IPCEF1: variants seen among roughly 807,000 people sequenced by gnomAD.
IPCEF1 encodes interaction protein for cytohesin exchange factors 1, also known as interactor protein for cytohesin exchange factors 1.
A neutral mutation model predicts 50.9 loss-of-function variants in IPCEF1; 31 were observed. The ratio of observed to expected loss-of-function variants is 0.61; its 90% confidence interval spans 0.46 to 0.82. The LOEUF (loss-of-function observed/expected upper bound fraction) is 0.82. Ranked by LOEUF, IPCEF1 falls within the 40% of genes least tolerant of loss-of-function variation. IPCEF1 has a pLI of 0.00. For missense variants in IPCEF1, 458 were observed against 514.0 expected (o/e 0.89, Z 1.05); for synonymous variants, 181 against 192.0 (o/e 0.94, Z 0.47).
intron 10 of IPCEF1, among the ~76,000 whole-genome samples, chr6:154,197,689 A>C (rs559181187): frequency 1.9e-4 from 29 of 152,218 alleles, no homozygotes; most frequent in Non-Finnish European, 3.2e-4. Flanking sequence ...AGCCAGGAAC[A>C]AGGACTGTTG....
chr6:154,351,318 T>C (rs1445996956), intron 1 of IPCEF1, among the ~76,000 whole-genome samples: 1 of 152,222 alleles, frequency 6.6e-6, no homozygotes, highest in African/African-American at 2.4e-5. Context: ...TGACTGTGGT[T>C]GTGAACTACC....
chr6:154,248,458 A>T (rs1781238491), intron 3 of IPCEF1, among the ~76,000 whole-genome samples: 1 of 152,158 alleles, frequency 6.6e-6, no homozygotes, highest in African/African-American at 2.4e-5. Flanking sequence ...TAGAGAACTC[A>T]GGGGAAAAAA....
At chr6:154,335,590 C>A (rs952982419) in intron 1 of IPCEF1, among the ~76,000 whole-genome samples, 1 of 151,532 alleles carries the variant, frequency 6.6e-6, no homozygotes, top group African/African-American at 2.4e-5. Flanking sequence ...AATCCCAGCA[C>A]TTTGGGAGGC....
chr6:154,265,404 C>T (rs1781730007), intron 3 of IPCEF1, among the ~76,000 whole-genome samples: 1 of 152,054 alleles, frequency 6.6e-6, no homozygotes, highest in South Asian at 2.1e-4. Flanking sequence ...CCTCAGCCTC[C>T]TCAGTAACTG....
In IPCEF1 at chr6:154,305,800, T is replaced by G. The variant is rs1327342965; in HGVS notation, c.-61-16044A>C. On this transcript the variant is annotated intron_variant, in intron 1 of 11. Coordinates refer to ENST00000367220, the MANE Select transcript of IPCEF1 (RefSeq NM_001130700.2). ...GACTTGCTGAGGCTTCTGGCCTCCA[T>G]CTTTCTCCCATGCTGGATGCTTCCA... Among the ~76,000 whole-genome samples the G allele has an allele frequency of 2.6e-5, 4 of 152,196 alleles. No individual in the cohort carries two copies. In the East Asian group the frequency reaches 7.7e-4, roughly 29 times the overall value.
At chr6:154,210,717 G>C (rs1465535965) in intron 9 of IPCEF1, among the ~76,000 whole-genome samples, 1 of 152,170 alleles carries the variant, frequency 6.6e-6, no homozygotes, top group African/African-American at 2.4e-5. Flanking sequence ...AATATAGTAA[G>C]AAAGAATAAT....
rs953444690 is a variant in IPCEF1 at position 154,165,737 on chromosome 6, A to G, written c.1104+2183T>C. Among the ~76,000 whole-genome samples the G allele has an allele frequency of 3.3e-5, 5 of 152,360 alleles. No individual in the cohort carries two copies. The East Asian group carries it at 9.6e-4, about 29-fold the overall frequency. On this transcript the variant is annotated intron_variant, in intron 11 of 11. Transcript: ENST00000367220. ...TGACCCAATGACTTGCTTCTACTGA[A>G]TAGAATACTGCAAAAGTAATGTGAT...
chr6:154,321,130 T>C (rs1438716583), intron 1 of IPCEF1, among the ~76,000 whole-genome samples: 1 of 151,800 alleles, frequency 6.6e-6, no homozygotes, highest in Non-Finnish European at 1.5e-5. Context: ...GGGGTTTCTC[T>C]GTGTTGCCCA....
Position 154,318,990 on chromosome 6 carries a change from G to A in IPCEF1, c.-61-29234C>T, listed in dbSNP as rs529330379. On this transcript the variant is annotated intron_variant, in intron 1 of 11. Coordinates refer to ENST00000367220, the MANE Select transcript of IPCEF1 (RefSeq NM_001130700.2). ...TATGTGCTGACTTTAGAACCTAATT[G>A]AAGATAAGCTATGATTCCATAGTAA... is the stretch of plus-strand genomic sequence containing the variant. 1.3e-3 allele frequency among the ~76,000 whole-genome samples: 204 copies of A among 152,300 alleles called. 2 individuals carry two copies. Among genetic ancestry groups the A allele is most frequent in the Non-Finnish European group, 2.5e-3 (168 of 68,024 alleles).
At position 154,246,614 on chromosome 6, in the gene IPCEF1, G is replaced by A; in HGVS notation, c.223C>T (p.Leu75=). 1 of 1,613,672 alleles carries A rather than the reference G, an allele frequency of 6.2e-7. No homozygotes were observed. Among genetic ancestry groups the A allele is most frequent in the Non-Finnish European group, 8.5e-7 (1 of 1,179,760 alleles). Residue 75 remains leucine, a synonymous_variant, in exon 5 of 12, where the codon CTG becomes TTG. Coordinates refer to ENST00000367220, the MANE Select transcript of IPCEF1 (RefSeq NM_001130700.2). ...KFWVILKGSS[L]YWYSNQMAEK... The stretch of plus-strand genomic sequence containing the variant: ...ACCATTTGATTGCTATACCAGTACA[G>A]TGACGACCCCTTCAGTATCACCCAG...
chr6:154,334,829 C>A (rs1168489332), intron 1 of IPCEF1, among the ~76,000 whole-genome samples: 1 of 152,130 alleles, frequency 6.6e-6, no homozygotes, highest in East Asian at 1.9e-4. Flanking sequence ...AGCTCAGAAA[C>A]TGATACCTCA....
rs754728268 is a variant in IPCEF1 at position 154,223,258 on chromosome 6, T to C, written c.247-15A>G. 14 of 1,596,954 alleles carry C rather than the reference T, an allele frequency of 8.8e-6. No individual in the cohort carries two copies. In the South Asian group the frequency reaches 1.6e-4, roughly 18 times the overall value. ...GCTTTCTCTGCCTGAAACAAATATA[T>C]ACCACAAATAGGAATGAATGCATCA... On this transcript the variant is annotated splice_polypyrimidine_tract_variant and intron_variant, in intron 5 of 11. Transcript: ENST00000367220.
At chr6:154,246,978 C>CT in intron 4 of IPCEF1, 1 of 481,450 alleles carries the variant, frequency 2.1e-6, no homozygotes, top group Non-Finnish European at 3.4e-6. Context: ...TATTTTTAAA[C>CT]ATTTGTTTCA....
chr6:154,355,185 A>G (rs1308622865), intron 1 of IPCEF1, among the ~76,000 whole-genome samples: 1 of 152,230 alleles, frequency 6.6e-6, no homozygotes, highest in Non-Finnish European at 1.5e-5. Flanking sequence ...AGTCTCAGGC[A>G]ATAGTGATGA....
At chr6:154,198,162 G>C (rs1776773819) in intron 10 of IPCEF1, among the ~76,000 whole-genome samples, 1 of 152,118 alleles carries the variant, frequency 6.6e-6, no homozygotes, top group African/African-American at 2.4e-5. Flanking sequence ...ATTTTTTGAA[G>C]AGTTCACAAC....
chr6:154,271,608 A>C (rs1381082177), intron 2 of IPCEF1, among the ~76,000 whole-genome samples: 1 of 152,212 alleles, frequency 6.6e-6, no homozygotes, highest in Non-Finnish European at 1.5e-5. Context: ...CATGTATGAC[A>C]AAAACTTTAG....
At chr6:154,291,256 A>T (rs942569157) in intron 1 of IPCEF1, among the ~76,000 whole-genome samples, 1 of 152,224 alleles carries the variant, frequency 6.6e-6, no homozygotes, top group African/African-American at 2.4e-5. Flanking sequence ...ATACATTTAT[A>T]AAAACACAGA....
chr6:154,232,969 CTTTT>C (rs780567029), intron 5 of IPCEF1, among the ~76,000 whole-genome samples: 1 of 134,610 alleles, frequency 7.4e-6, no homozygotes, highest in Non-Finnish European at 1.6e-5. Context: ...TTTTTCTTTT[CTTTT>C]TTTTTTTTTT....
intron 2 of IPCEF1, among the ~76,000 whole-genome samples, chr6:154,285,656 G>T (rs1402087471): frequency 6.6e-6 from 1 of 151,994 alleles, no homozygotes; most frequent in Non-Finnish European, 1.5e-5. Flanking sequence ...TGTTCACATT[G>T]TTATATTTTG....
Sources: allele counts gnomAD v4.1 joint callset (sites outside exome capture counted in the v4.1 genomes callset), GRCh38; gene constraint gnomAD v4.1.1; transcripts MANE v1.5; gene names NCBI Gene and HGNC (gene_info 2026-07-23, HGNC 2026-07-21).